Variants in TNPO1 observed in about 807,000 individuals in gnomAD.
TNPO1 encodes the protein transportin-1.
TNPO1 carries 8 observed loss-of-function variants against 119.5 expected under a neutral mutation model. The observed-to-expected ratio is 0.07, with a 90% CI of 0.04 to 0.12. The LOEUF is 0.12. Among genes scored for constraint, TNPO1 ranks in the 10% least tolerant of loss-of-function variants. The pLI is 1.00. For missense variants in TNPO1, 576 were observed against 1,089.8 expected, an observed-to-expected ratio of 0.53 and a Z score of 6.64; for synonymous variants, 362 against 363.0, an observed-to-expected ratio of 1.00 and a Z score of 0.03.
At chr5:72,899,537 ATTAG>A (rs1326264920) in intron 20 of TNPO1, among the ~76,000 whole-genome samples, 1 of 152,178 alleles carries the variant, frequency 6.6e-6, no homozygotes, top group Non-Finnish European at 1.5e-5. Context: ...TTTCACCTGT[ATTAG>A]TTTGAGATGC....
intron 21 of TNPO1, 136 bp downstream of exon 21, chr5:72,900,217 C>T (rs1749709595): frequency 2.8e-6 from 2 of 712,074 alleles, no homozygotes; most frequent in African/African-American, 1.8e-5. Flanking sequence ...CTAATCTTGT[C>T]CTATCAGGTT....
chr5:72,893,473 G>A lies in TNPO1; in HGVS notation c.1993G>A (p.Gly665Ser). 1 of 1,614,184 alleles carries A rather than the reference G, an allele frequency of 6.2e-7. No individual in the cohort carries two copies. The highest frequency in any genetic ancestry group is 2.2e-5 in the East Asian group (1 of 44,874). The change falls in exon 17 of 25, where the codon GGC (glycine) becomes AGC (serine). Residue 665 changes from glycine to serine, a missense_variant. Transcript: ENST00000337273. ...LLSGLAEGLG[G>S]NIEQLVARSN... ...GAGTGGCCTGGCTGAAGGACTTGGA[G>A]GCAACATTGAACAGCTGGTAGCCCG...
chr5:72,907,974 G>A (rs1222718122), intron 24 of TNPO1, among the ~76,000 whole-genome samples: 1 of 152,150 alleles, frequency 6.6e-6, no homozygotes, highest in Non-Finnish European at 1.5e-5. Context: ...GATTGCTTGA[G>A]CCCAGGAGGT....
At chr5:72,892,316 T>C (rs1211546489) in intron 15 of TNPO1, among the ~76,000 whole-genome samples, 1 of 152,110 alleles carries the variant, frequency 6.6e-6, no homozygotes, top group Non-Finnish European at 1.5e-5. Flanking sequence ...TTGCAAACTT[T>C]TATATGATGT....
intron 18 of TNPO1, 90 bp downstream of exon 18, chr5:72,893,793 T>TG: frequency 1.7e-6 from 2 of 1,180,898 alleles, no homozygotes; most frequent in African/African-American, 3.1e-5. Context: ...TGAAATTGCA[T>TG]GGAATCCCAA....
At position 72,865,437 on chromosome 5, in the gene TNPO1, C is replaced by CA. The variant is rs1367337532; in HGVS notation, c.463-146dup. Among the ~76,000 whole-genome samples the CA allele has an allele frequency of 3.8e-3, 510 of 135,298 alleles. 4 individuals carry two copies. The highest frequency in any genetic ancestry group is 8.8e-3 in the African/African-American group (325 of 36,806). The allele number at this position is 135,298 out of a possible 152,430, so 88.8% of individuals were successfully genotyped here. A position where few individuals can be genotyped will look rare whatever the true frequency, so the allele number is the denominator to read the frequency against. ...TGGGCGACACACCAAGACTCCGTCTCAAAAAAAAAAAAATTGAAGGATTAA... is the reference window on the plus strand; with the variant it reads ...TGGGCGACACACCAAGACTCCGTCTCAAAAAAAAAAAAAATTGAAGGATTAA... On this transcript the variant is annotated intron_variant, in intron 5 of 24. Transcript: ENST00000337273.
intron 24 of TNPO1, among the ~76,000 whole-genome samples, chr5:72,906,278 T>TC (rs1561365872): frequency 1.6e-4 from 8 of 50,330 alleles, no homozygotes; most frequent in African/African-American, 4.8e-4. Context: ...TTTTTTTCTT[T>TC]TTTTTTTTTT....
At chr5:72,896,943 T>A (rs1291820937) in intron 19 of TNPO1, 113 bp from the exon 20 acceptor site, 3 of 494,308 alleles carry the variant, frequency 6.1e-6, no homozygotes, top group Non-Finnish European at 1.1e-5. Context: ...TTATTTGTAT[T>A]TCTATATTTA....
intron 18 of TNPO1, among the ~76,000 whole-genome samples, chr5:72,894,624 C>G (rs1561354576): frequency 6.6e-6 from 1 of 152,090 alleles, no homozygotes; most frequent in African/African-American, 2.4e-5. Context: ...TGAGCTGATA[C>G]TGTACCACTA....
chr5:72,832,765 T>A (rs374336607), intron 1 of TNPO1, among the ~76,000 whole-genome samples: 1 of 152,136 alleles, frequency 6.6e-6, no homozygotes, highest in African/African-American at 2.4e-5. Context: ...TTGGAAAAGA[T>A]AGGGGAAGAG....
chr5:72,856,418 A>G (rs193012132), intron 4 of TNPO1, among the ~76,000 whole-genome samples: 34 of 152,116 alleles, frequency 2.2e-4, no homozygotes, highest in African/African-American at 6.7e-4. Flanking sequence ...TTTTTAGTAG[A>G]GACAGGGTTT....
chr5:72,861,741 G>T, intron 4 of TNPO1, 67 bp from the exon 5 acceptor site: 1 of 1,117,584 alleles, frequency 8.9e-7, no homozygotes. Flanking sequence ...TGTGCACACA[G>T]TTGCTCACAT....
intron 1 of TNPO1, among the ~76,000 whole-genome samples, chr5:72,835,004 C>G (rs550413541): frequency 1.3e-5 from 2 of 152,140 alleles, no homozygotes; most frequent in African/African-American, 4.8e-5. Flanking sequence ...TTCAGTACAG[C>G]AACATGCTAT....
chr5:72,851,262 C>G lies in TNPO1; in HGVS notation c.148C>G (p.Gln50Glu). 1.3e-6 allele frequency: 2 copies of G among 1,599,318 alleles called. No homozygotes were observed. The highest frequency in any genetic ancestry group is 1.7e-6 in the Non-Finnish European group (2 of 1,169,982). Residue 50 changes from glutamine to glutamate, a missense_variant, in exon 3 of 25, where the codon CAG (glutamine) becomes GAG (glutamate). Gln to Glu is a conservative substitution (Grantham distance 29, BLOSUM62 2). Transcript: ENST00000337273. ...GTTCTAGAAACTGGAACAACTTAAT[C>G]AGTATCCAGACTTTAACAACTACTT... ...TVQQKLEQLN[Q>E]YPDFNNYLIF... is the part of the protein sequence containing the mutation.
rs1349665644 is a variant in TNPO1 at position 72,911,527 on chromosome 5, T to C, written c.*2854T>C. Reference sequence around the variant, plus strand: ...GTTATCTTTTGAGGTAAGCTCTGATTTAGCATTTATTCTGATAAAATCTAA... The same window carrying C: ...GTTATCTTTTGAGGTAAGCTCTGATCTAGCATTTATTCTGATAAAATCTAA... On this transcript the variant is annotated 3_prime_UTR_variant, in exon 25 of 25. Transcript: ENST00000337273. 3 of 152,622 alleles carry C rather than the reference T, an allele frequency of 2.0e-5. No individual in the cohort carries two copies. The East Asian group carries it at 5.8e-4, about 29-fold the overall frequency. 9.5% of individuals were successfully genotyped at this position (152,622 alleles called of 1,614,324 possible).
chr5:72,843,686 G>GTTTACCATTTTT (rs1352061762), intron 1 of TNPO1, among the ~76,000 whole-genome samples: 6 of 151,934 alleles, frequency 3.9e-5, no homozygotes, highest in Admixed American at 6.6e-5. Context: ...ACCAAGAGTT[G>GTTTACCATTTTT]TTTACCATTT....
intron 15 of TNPO1, 151 bp from the exon 16 acceptor site, chr5:72,892,988 G>T: frequency 1.8e-6 from 1 of 547,282 alleles, no homozygotes; most frequent in Non-Finnish European, 3.2e-6. Flanking sequence ...CCAAAAGAGA[G>T]GGTTGGGGTG....
At chr5:72,899,117 T>TA (rs996930056) in intron 20 of TNPO1, among the ~76,000 whole-genome samples, 32 of 151,430 alleles carry the variant, frequency 2.1e-4, no homozygotes, top group East Asian at 1.4e-3. Flanking sequence ...TTCAAAATTG[T>TA]AAAAAAAAAT....
intron 22 of TNPO1, among the ~76,000 whole-genome samples, chr5:72,901,926 A>T (rs963810175): frequency 6.6e-6 from 1 of 152,170 alleles, no homozygotes; most frequent in African/African-American, 2.4e-5. Context: ...CAGATAAAAA[A>T]TTAGCCAGGC....
Sources: gnomAD v4.1 joint callset for allele counts (sites outside exome capture counted in the v4.1 genomes callset) on GRCh38, gnomAD v4.1.1 for gene constraint, MANE v1.5 for transcripts, NCBI Gene and HGNC (gene_info 2026-07-23, HGNC 2026-07-21) for gene names.